PIK3R4: variants seen among roughly 807,000 people sequenced by gnomAD.
PIK3R4 encodes phosphoinositide 3-kinase regulatory subunit 4.
A neutral mutation model predicts 136.5 loss-of-function variants in PIK3R4; 46 were observed. The observed-to-expected ratio is 0.34, with a 90% CI of 0.27 to 0.43. The LOEUF is 0.43. Among genes scored for constraint, PIK3R4 ranks in the 20% least tolerant of loss-of-function variants. PIK3R4 has a pLI of 1.00. For synonymous variants in PIK3R4, 557 were observed against 566.7 expected (o/e 0.98, Z 0.24); for missense variants, 1,331 against 1,649.5 (o/e 0.81, Z 3.35).
At chr3:130,716,332 T>G (rs999411285) in intron 9 of PIK3R4, 64 bp downstream of exon 9, 3 of 1,307,350 alleles carry the variant, frequency 2.3e-6, no homozygotes, top group South Asian at 2.5e-5. Flanking sequence ...AAAAACTAAA[T>G]GGACACTTCA....
At chr3:130,697,021 T>C (rs1185979826) in intron 13 of PIK3R4, among the ~76,000 whole-genome samples, 1 of 151,810 alleles carries the variant, frequency 6.6e-6, no homozygotes, top group African/African-American at 2.4e-5. Context: ...GGAGTAATTT[T>C]TGCCTTAAAG....
At chr3:130,736,984 A>C (rs2066789528) in intron 2 of PIK3R4, among the ~76,000 whole-genome samples, 1 of 152,262 alleles carries the variant, frequency 6.6e-6, no homozygotes, top group Non-Finnish European at 1.5e-5. Context: ...CCACATTTCC[A>C]AAAGGACAAC....
intron 7 of PIK3R4, among the ~76,000 whole-genome samples, chr3:130,720,849 A>C (rs2066695824): frequency 6.6e-6 from 1 of 152,182 alleles, no homozygotes. Context: ...GCCAGCACAG[A>C]GCAACAAGAG....
At chr3:130,683,089 G>C (rs1170216175) in intron 16 of PIK3R4, among the ~76,000 whole-genome samples, 13 of 152,210 alleles carry the variant, frequency 8.5e-5, no homozygotes, top group Admixed American at 8.5e-4. Flanking sequence ...TGGACTGGAA[G>C]TGGGATGAGA....
chr3:130,725,737 C>T (rs1014794059), intron 6 of PIK3R4, among the ~76,000 whole-genome samples: 3 of 151,112 alleles, frequency 2.0e-5, no homozygotes, highest in Admixed American at 6.6e-5. Context: ...TATAAAGGCT[C>T]GAAAAGAACA....
At chr3:130,722,234 CAT>C (rs2066705011) in intron 7 of PIK3R4, among the ~76,000 whole-genome samples, 1 of 151,998 alleles carries the variant, frequency 6.6e-6, no homozygotes. Context: ...TTTTTCTCCC[CAT>C]AGTTTTCATA....
chr3:130,711,767 C>T (rs922199484), intron 9 of PIK3R4, among the ~76,000 whole-genome samples: 1 of 152,208 alleles, frequency 6.6e-6, no homozygotes, highest in African/African-American at 2.4e-5. Context: ...ACAAGTCCAA[C>T]ACTGCAAAGC....
In PIK3R4 at chr3:130,703,905, G is replaced by T; in HGVS notation, c.2933-17C>A. The T allele has an allele frequency of 6.3e-7, 1 of 1,588,870 alleles. No homozygotes were observed. The highest frequency in any genetic ancestry group is 2.2e-5 in the East Asian group (1 of 44,630). On this transcript the variant is annotated splice_polypyrimidine_tract_variant and intron_variant, in intron 12 of 19. Transcript: ENST00000356763. ...GACGCCATCCTAAGGAAAAGCAAAG[G>T]AGTGTATCATAAACTGTAGTTTACA... is the stretch of plus-strand genomic sequence containing the variant.
intron 8 of PIK3R4, 96 bp from the exon 9 acceptor site, chr3:130,716,695 A>G (rs1318643577): frequency 9.5e-6 from 7 of 737,014 alleles, no homozygotes; most frequent in Non-Finnish European, 1.5e-5. Context: ...TAACATATTC[A>G]TTTTCTAAGA....
At position 130,730,535 on chromosome 3, in the gene PIK3R4, T is replaced by C. The variant is rs192316578; in HGVS notation, c.1451-93A>G. On this transcript the variant is annotated intron_variant, in intron 4 of 19. Transcript: ENST00000356763. Reference sequence around the variant, plus strand: ...CCTCCCTGTCTTTATACATAAATAATCATAAGCCTATGGGAAAAACAGAAC... The same window carrying C: ...CCTCCCTGTCTTTATACATAAATAACCATAAGCCTATGGGAAAAACAGAAC... 3.5e-3 allele frequency: 3,078 copies of C among 870,052 alleles called. 13 individuals are homozygous for C. The highest frequency in any genetic ancestry group is 4.8e-3 in the Non-Finnish European group (2,885 of 600,562). 53.9% of individuals were successfully genotyped at this position (870,052 alleles called of 1,614,324 possible).
intron 13 of PIK3R4, among the ~76,000 whole-genome samples, chr3:130,692,039 T>A (rs113148785): frequency 0.015 from 2,313 of 151,790 alleles, 84 homozygotes; most frequent in African/African-American, 0.052. Flanking sequence ...CACACCCAGC[T>A]AATTTTTTTG....
chr3:130,681,871 G>A (rs902412057), intron 16 of PIK3R4, among the ~76,000 whole-genome samples: 1 of 152,114 alleles, frequency 6.6e-6, no homozygotes, highest in African/African-American at 2.4e-5. Flanking sequence ...GGGGACAACA[G>A]ACAAAAATGC....
At chr3:130,715,686 T>C (rs1035438394) in intron 9 of PIK3R4, among the ~76,000 whole-genome samples, 40 of 152,286 alleles carry the variant, frequency 2.6e-4, no homozygotes, top group African/African-American at 9.1e-4. Context: ...ATTTCAAAAA[T>C]TTTCTCCCAT....
At chr3:130,718,242 A>G (rs1044044697) in intron 8 of PIK3R4, 147 bp downstream of exon 8, 1 of 661,736 alleles carries the variant, frequency 1.5e-6, no homozygotes, top group East Asian at 2.7e-5. Flanking sequence ...TGGTTCATTA[A>G]CATTAATTAG....
intron 6 of PIK3R4, among the ~76,000 whole-genome samples, chr3:130,726,282 A>C (rs1417214308): frequency 6.6e-6 from 1 of 152,116 alleles, no homozygotes; most frequent in Non-Finnish European, 1.5e-5. Context: ...GAAAATGCTT[A>C]AAGTATGTTA....
At position 130,690,573 on chromosome 3, in the gene PIK3R4, T is replaced by C; in HGVS notation, c.3180A>G (p.Ala1060=). 6.2e-7 allele frequency: 1 copy of C among 1,612,978 alleles called. No homozygotes were observed. The highest frequency in any genetic ancestry group is 8.5e-7 in the Non-Finnish European group (1 of 1,178,992). ...FCQGSHYLAI[A]SDNGAVQLLG... is the part of the protein sequence containing the mutation. Reference sequence around the variant, plus strand: ...GAAGCTGGACAGCACCATTATCAGATGCTATGGCTAAATAGTGGGAGCCTT... The same window carrying C: ...GAAGCTGGACAGCACCATTATCAGACGCTATGGCTAAATAGTGGGAGCCTT... Residue 1060 remains alanine (A), a synonymous_variant, in exon 14 of 20, where the codon GCA becomes GCG. Coordinates refer to ENST00000356763, the MANE Select transcript of PIK3R4 (RefSeq NM_014602.3).
At position 130,745,224 on chromosome 3, in the gene PIK3R4, C is replaced by G; in HGVS notation, c.-6G>C. On this transcript the variant is annotated 5_prime_UTR_variant, in exon 2 of 20. Transcript: ENST00000356763. Reference sequence around the variant, plus strand: ...CCAGCAAGCTGATTTCCCATAATGGCAAGCACCTCTGTGGTCTTTAGTAAG... The same window carrying G: ...CCAGCAAGCTGATTTCCCATAATGGGAAGCACCTCTGTGGTCTTTAGTAAG... 6.3e-7 allele frequency: 1 copy of G among 1,590,992 alleles called. No individual in the cohort carries two copies. The highest frequency in any genetic ancestry group is 8.5e-7 in the Non-Finnish European group (1 of 1,174,572).
rs1247659280 is a variant in PIK3R4 at position 130,690,894 on chromosome 3, CT to C, written c.3099-241del. 6.7e-3 allele frequency among the ~76,000 whole-genome samples: 884 copies of C among 131,826 alleles called. 2 individuals carry two copies. The highest frequency in any genetic ancestry group is 0.017 in the African/African-American group (546 of 32,356). The allele number at this position is 131,826 out of a possible 152,430, so 86.5% of individuals were successfully genotyped here. A position where few individuals can be genotyped will look rare whatever the true frequency, so the allele number is the denominator to read the frequency against. On this transcript the variant is annotated intron_variant, in intron 13 of 19. Transcript: ENST00000356763. ...ATCATAGACTACCCCTCCTTCTCCT[CT>C]TTTTTTTTTTTTTTTTTTCTGAGAC...
In PIK3R4 at chr3:130,708,139, C is replaced by G. The variant is rs2066615767; in HGVS notation, c.2533+152G>C. On this transcript the variant is annotated intron_variant, in intron 10 of 19. Transcript: ENST00000356763. ...AGTTCGCTTCCCTATTTTTCTTCCC[C>G]AAAATCTCCCTGCTAAGTAATGGAG... 3 of 623,724 alleles carry G rather than the reference C, an allele frequency of 4.8e-6. No homozygotes were observed. In the East Asian group the frequency reaches 8.5e-5, roughly 18 times the overall value. 38.6% of individuals were successfully genotyped at this position (623,724 alleles called of 1,614,324 possible). A position where few individuals can be genotyped will look rare whatever the true frequency, so the allele number is the denominator to read the frequency against.
Sources: allele counts gnomAD v4.1 joint callset (sites outside exome capture counted in the v4.1 genomes callset), GRCh38; gene constraint gnomAD v4.1.1; transcripts MANE v1.5; gene names NCBI Gene and HGNC (gene_info 2026-07-23, HGNC 2026-07-21).